The following CYP11B1 variants were observed in gnomAD, a reference collection of about 807,000 sequenced individuals.
CYP11B1 encodes the protein cytochrome P450 11B1, mitochondrial.
A neutral mutation model predicts 48.3 loss-of-function variants in CYP11B1; 34 were observed. The observed-to-expected ratio is 0.70, with a 90% CI of 0.54 to 0.94. CYP11B1 has a LOEUF of 0.94. Ranked by LOEUF, CYP11B1 falls within the 40% of genes least tolerant of loss-of-function variation. CYP11B1 has a pLI of 0.00. For synonymous variants in CYP11B1, 291 were observed against 262.5 expected (o/e 1.11, Z -1.05); for missense variants, 688 against 657.4 (o/e 1.05, Z -0.51).
Position 142,875,242 on chromosome 8 carries a change from G to T in CYP11B1, c.1192C>A (p.Pro398Thr), listed in dbSNP as rs777160383. The T allele has an allele frequency of 6.2e-7, 1 of 1,614,036 alleles. No homozygotes were observed. The highest frequency in any genetic ancestry group is 8.5e-7 in the Non-Finnish European group (1 of 1,179,998). Residue 398 changes from proline to threonine, a missense_variant, in exon 7 of 9, where the codon CCA becomes ACA. Pro to Thr is a conservative substitution (Grantham distance 38, BLOSUM62 -1). Transcript: ENST00000292427. ...SDLVLQNYHI[P>T]AGTLVRVFLY... is the part of the protein sequence containing the mutation. Reference sequence around the variant, plus strand: ...GTGTGGGGCTCACTCACCCCAGCTGGGATGTGGTAGTTCTGAAGCACCAAG... The same window carrying T: ...GTGTGGGGCTCACTCACCCCAGCTGTGATGTGGTAGTTCTGAAGCACCAAG...
chr8:142,879,545 G>A (rs762693458), intron 1 of CYP11B1, 30 bp downstream of exon 1: 5 of 1,614,066 alleles, frequency 3.1e-6, no homozygotes, highest in Non-Finnish European at 4.2e-6. Flanking sequence ...GGCTCTGGGT[G>A]TTCCCAGCGA....
At position 142,873,843 on chromosome 8, in the gene CYP11B1, A is replaced by G. The variant is rs1816857354; in HGVS notation, c.*530T>C. ...GGGCCTTTTTATTCTACCCTGCAGGACCCTATTCCAGGGTGACAACTTTCA... is the reference window on the plus strand; with the variant it reads ...GGGCCTTTTTATTCTACCCTGCAGGGCCCTATTCCAGGGTGACAACTTTCA... On this transcript the variant is annotated 3_prime_UTR_variant, in exon 9 of 9. Coordinates refer to ENST00000292427, the MANE Select transcript of CYP11B1 (RefSeq NM_000497.4). The G allele has an allele frequency of 1.0e-5, 2 of 196,376 alleles. No individual in the cohort carries two copies. Among genetic ancestry groups the G allele is most frequent in the South Asian group, 2.2e-4 (2 of 9,262 alleles). 12.2% of individuals were successfully genotyped at this position (196,376 alleles called of 1,614,324 possible).
Position 142,875,494 on chromosome 8 carries a change from C to A in CYP11B1, c.1122-182G>T, listed in dbSNP as rs530664301. The A allele has an allele frequency of 1.8e-5, 18 of 1,020,606 alleles. No individual in the cohort carries two copies. The South Asian group carries it at 2.3e-4, about 13-fold the overall frequency. 63.2% of individuals were successfully genotyped at this position (1,020,606 alleles called of 1,614,324 possible). On this transcript the variant is annotated intron_variant, in intron 6 of 8. Transcript: ENST00000292427. ...CTCCCCTAACTTAAGCAGCCCCGAG[C>A]GCAGAAGGACATGCTCCACGTTAAT...
chr8:142,879,424 A>G, intron 1 of CYP11B1, 151 bp downstream of exon 1: 2 of 1,613,328 alleles, frequency 1.2e-6, no homozygotes, highest in Non-Finnish European at 1.7e-6. Flanking sequence ...GCAGCGCCAC[A>G]GACCAGCACG....
In CYP11B1 at chr8:142,875,056, G is replaced by A. The variant is rs200342486; in HGVS notation, c.1299C>T (p.Gly433=). 1.9e-6 allele frequency: 3 copies of A among 1,614,276 alleles called. No individual in the cohort carries two copies. The highest frequency in any genetic ancestry group is 1.3e-5 in the African/African-American group (1 of 75,078). Residue 433 remains glycine, a synonymous_variant, in exon 8 of 9, where the codon GGC becomes GGT. Transcript: ENST00000292427. The part of the protein sequence containing the change: ...YNPQRWLDIR[G]SGRNFYHVPF... ...GCACGTGGTAGAAGTTCCTGCCGGA[G>A]CCCCTGATGTCTAGCCAGCGCTGGG...
rs749018677 is a variant in CYP11B1, at chr8:142,875,146, C to T, written c.1209G>A (p.Val403=). The T allele has an allele frequency of 3.1e-6, 5 of 1,614,218 alleles. No individual in the cohort carries two copies. The highest frequency in any genetic ancestry group is 2.2e-5 in the East Asian group (1 of 44,886). Residue 403 remains valine, a synonymous_variant, in exon 8 of 9, where the codon GTG becomes GTA. Coordinates refer to ENST00000292427, the MANE Select transcript of CYP11B1 (RefSeq NM_000497.4). The part of the protein sequence containing the change: ...QNYHIPAGTL[V]RVFLYSLGRN... ...GACCCAGAGAGTAGAGGAACACGCG[C>T]ACCAATGTCTGCGGACGGTGCAGAG...
chr8:142,875,461 G>C (rs6422), intron 6 of CYP11B1, 149 bp from the exon 7 acceptor site: 1 of 1,156,746 alleles, frequency 8.6e-7, no homozygotes, highest in Non-Finnish European at 1.2e-6. Context: ...TGCTGAGCCC[G>C]GCCAAACCTC....
At chr8:142,876,578 G>A (rs1304317646) in intron 4 of CYP11B1, 104 bp downstream of exon 4, 35 of 1,552,370 alleles carry the variant, frequency 2.3e-5, no homozygotes, top group Middle Eastern at 2.1e-4. Context: ...AGGAATCCCC[G>A]ACCCCTCCCT....
At chr8:142,874,852 C>T (rs1816881285) in intron 8 of CYP11B1, 105 bp downstream of exon 8, 6 of 1,399,562 alleles carry the variant, frequency 4.3e-6, no homozygotes, top group South Asian at 1.2e-5. Flanking sequence ...GTCCAGGAAA[C>T]ATGCAGGCCA....
intron 6 of CYP11B1, among the ~76,000 whole-genome samples, 157 bp downstream of exon 6, chr8:142,875,555 G>A (rs1421435279): frequency 1.3e-5 from 2 of 152,138 alleles, no homozygotes; most frequent in African/African-American, 4.8e-5. Context: ...AGAGAAAGAA[G>A]AGCTCCCTGT....
intron 8 of CYP11B1, 64 bp from the exon 9 acceptor site, chr8:142,874,550 T>C: frequency 9.0e-7 from 1 of 1,112,756 alleles, no homozygotes; most frequent in Non-Finnish European, 1.4e-6. Flanking sequence ...TGCAGCCTTC[T>C]CAGACCCTCA....
chr8:142,879,423 C>CAG, intron 1 of CYP11B1, 152 bp downstream of exon 1: 3 of 1,613,298 alleles, frequency 1.9e-6, no homozygotes, highest in Non-Finnish European at 2.5e-6. Context: ...GGCAGCGCCA[C>CAG]AGACCAGCAC....
In CYP11B1 at chr8:142,873,783, C is replaced by T. The variant is rs1406727328; in HGVS notation, c.*590G>A. 1.2e-5 allele frequency: 2 copies of T among 166,930 alleles called. No homozygotes were observed. The highest frequency in any genetic ancestry group is 3.1e-4 in the East Asian group (2 of 6,532). 10.3% of individuals were successfully genotyped at this position (166,930 alleles called of 1,614,324 possible). A position where few individuals can be genotyped will look rare whatever the true frequency, so the allele number is the denominator to read the frequency against. The stretch of plus-strand genomic sequence containing the variant: ...CGTCCCTCGAGACTCAGTTGTATCA[C>T]TTGAAAATGGGGATGTCAGGACAAG... On this transcript the variant is annotated 3_prime_UTR_variant, in exon 9 of 9. Transcript: ENST00000292427.
At chr8:142,877,514 C>A (rs66470473) in intron 2 of CYP11B1, among the ~76,000 whole-genome samples, 7 of 151,706 alleles carry the variant, frequency 4.6e-5, no homozygotes, top group African/African-American at 9.7e-5. Flanking sequence ...CTGGCACCAC[C>A]TCACCCATGC....
intron 5 of CYP11B1, 33 bp from the exon 6 acceptor site, chr8:142,875,911 G>A: frequency 6.2e-7 from 1 of 1,613,604 alleles, no homozygotes; most frequent in Non-Finnish European, 8.5e-7. Flanking sequence ...GTCAGACCTT[G>A]CACAGGAGGA....
intron 8 of CYP11B1, 22 bp downstream of exon 8, chr8:142,874,924 GCCCAGGCCCCT>G (rs1162943800): frequency 6.2e-7 from 1 of 1,609,962 alleles, no homozygotes; most frequent in Non-Finnish European, 8.5e-7. Flanking sequence ...CCCAGACCCC[GCCCAGGCCCCT>G]CCCCAGCCCG....
rs2130276218 is a variant in CYP11B1 at position 142,877,016 on chromosome 8, C to T, written c.595+7G>A. On this transcript the variant is annotated splice_region_variant and intron_variant, in intron 3 of 8. Transcript: ENST00000292427. ...TCTGAGGCTGGATCTTCCCACGTGG[C>T]CCACACCTTCTATGGTGTAGTGGAA... 6.2e-7 allele frequency: 1 copy of T among 1,613,362 alleles called. No individual in the cohort carries two copies. Among genetic ancestry groups the T allele is most frequent in the Non-Finnish European group, 8.5e-7 (1 of 1,179,696 alleles).
rs61751136 is a variant in CYP11B1, at chr8:142,879,418, C to T, written c.239+157G>A. The T allele has an allele frequency of 2.2e-4, 350 of 1,612,954 alleles. No individual in the cohort carries two copies. In the African/African-American group the frequency reaches 2.6e-3, roughly 12 times the overall value. ...TCTGCACCATCCCCTGCCCTGGCAG[C>T]GCCACAGACCAGCACGTGCTGCACT... On this transcript the variant is annotated intron_variant, in intron 1 of 8. Transcript: ENST00000292427.
chr8:142,879,152 A>G lies in CYP11B1; in HGVS notation c.275T>C (p.Met92Thr), dbSNP rs1817061254. The G allele has an allele frequency of 1.9e-6, 3 of 1,613,798 alleles. No homozygotes were observed. The highest frequency in any genetic ancestry group is 2.7e-5 in the African/African-American group (2 of 74,906). Reference sequence around the variant, plus strand: ...CAGCTTCTCCACGTCCTCCGGCAGCATCACACACACCATGCCTGCTCCTCC... The same window carrying G: ...CAGCTTCTCCACGTCCTCCGGCAGCGTCACACACACCATGCCTGCTCCTCC... ...DLGGAGMVCV[M>T]LPEDVEKLQQ... is the part of the protein sequence containing the mutation. Residue 92 changes from methionine (M) to threonine (T), a missense_variant, in exon 2 of 9, where the codon ATG (methionine) becomes ACG (threonine). Coordinates refer to ENST00000292427, the MANE Select transcript of CYP11B1 (RefSeq NM_000497.4).
Sources: allele counts gnomAD v4.1 joint callset (sites outside exome capture counted in the v4.1 genomes callset), GRCh38; gene constraint gnomAD v4.1.1; transcripts MANE v1.5; gene names NCBI Gene and HGNC (gene_info 2026-07-23, HGNC 2026-07-21).